STK32B: variants seen among roughly 807,000 people sequenced by gnomAD.
STK32B encodes serine/threonine kinase 32B.
A neutral mutation model predicts 52.6 loss-of-function variants in STK32B; 43 were observed. The ratio of observed to expected loss-of-function variants is 0.82; its 90% confidence interval spans 0.64 to 1.05. The LOEUF (loss-of-function observed/expected upper bound fraction) is 1.05, where lower values mean the gene tolerates loss of function less well. Ranked by LOEUF, STK32B falls within the 50% of genes least tolerant of loss-of-function variation. The pLI is 0.00. For missense variants in STK32B, 621 were observed against 534.6 expected, an observed-to-expected ratio of 1.16 and a Z score of -1.59; for synonymous variants, 238 against 204.3, an observed-to-expected ratio of 1.17 and a Z score of -1.41.
chr4:5,156,032 A>G (rs946238148), intron 2 of STK32B, among the ~76,000 whole-genome samples: 1 of 151,998 alleles, frequency 6.6e-6, no homozygotes, highest in African/African-American at 2.4e-5. Flanking sequence ...ACATATACCT[A>G]TAGATCCACC....
rs893358630 is a variant in STK32B at position 5,372,493 on chromosome 4, C to G, written c.435-25714C>G. ...CACACATTCACATTCGAGACACGGC[C>G]ATTACTATTCAATATTACCATCCTA... On this transcript the variant is annotated intron_variant, in intron 4 of 11. Coordinates refer to ENST00000282908, the MANE Select transcript of STK32B (RefSeq NM_018401.3). 2.6e-5 allele frequency among the ~76,000 whole-genome samples: 4 copies of G among 152,238 alleles called. 1 individual carries two copies. The highest frequency in any genetic ancestry group is 9.6e-5 in the African/African-American group (4 of 41,542).
the STK32B span, among the ~76,000 whole-genome samples, chr4:5,041,144 G>T: frequency 1.3e-5 from 2 of 152,134 alleles, no homozygotes; most frequent in Non-Finnish European, 2.9e-5. Flanking sequence ...TTACATCACT[G>T]CTTCTGAGTC....
At chr4:5,134,429 C>T (rs1240852222) in intron 1 of STK32B, among the ~76,000 whole-genome samples, 1 of 152,132 alleles carries the variant, frequency 6.6e-6, no homozygotes, top group East Asian at 1.9e-4. Context: ...CTCTCCTGCC[C>T]TTCCTCTGTG....
chr4:5,140,420 C>G, intron 2 of STK32B: 2 of 727,590 alleles, frequency 2.7e-6, no homozygotes, highest in Non-Finnish European at 3.7e-6. Flanking sequence ...AAGCTCCAGT[C>G]TGTTCCCACA....
chr4:5,319,571 A>AC (rs35746231), intron 3 of STK32B, among the ~76,000 whole-genome samples: 36,158 of 151,912 alleles, frequency 0.24, 7,074 homozygotes, highest in African/African-American at 0.55. Flanking sequence ...TCCAGCACGC[A>AC]CCCAGGCATA....
intron 3 of STK32B, among the ~76,000 whole-genome samples, chr4:5,174,130 C>CT (rs967943040): frequency 5.3e-5 from 8 of 151,930 alleles, no homozygotes; most frequent in African/African-American, 1.9e-4. Flanking sequence ...CAACCCCTGC[C>CT]TTTTTTTGTT....
intron 6 of STK32B, chr4:5,436,678 GT>G (rs1375098071): frequency 1.0e-6 from 1 of 985,244 alleles, no homozygotes; most frequent in African/African-American, 1.7e-5. Context: ...GCTATTAGGA[GT>G]TAGAATCACG....
At chr4:5,276,147 G>A (rs1727806863) in intron 3 of STK32B, among the ~76,000 whole-genome samples, 1 of 152,034 alleles carries the variant, frequency 6.6e-6, no homozygotes, top group African/African-American at 2.4e-5. Context: ...AAATTAGTCA[G>A]GCGTGGTGGT....
chr4:5,060,185 C>T (rs1368019651), intron 1 of STK32B, among the ~76,000 whole-genome samples: 7 of 152,140 alleles, frequency 4.6e-5, no homozygotes, highest in East Asian at 1.9e-4. Context: ...AGGCTGGTCT[C>T]GAACTCCCAA....
intron 4 of STK32B, among the ~76,000 whole-genome samples, chr4:5,384,039 A>G (rs1028311073): frequency 2.6e-5 from 4 of 152,150 alleles, no homozygotes; most frequent in Non-Finnish European, 4.4e-5. Flanking sequence ...GTGCACATCT[A>G]GGGAATGGGC....
chr4:5,345,318 T>C (rs1289912463), intron 4 of STK32B: 2 of 151,956 alleles, frequency 1.3e-5, no homozygotes, highest in African/African-American at 4.8e-5. Context: ...TCCTTTTTTT[T>C]TTTTTTTAGC....
intron 2 of STK32B, among the ~76,000 whole-genome samples, chr4:5,152,865 A>T (rs1577111457): frequency 6.6e-6 from 1 of 152,190 alleles, no homozygotes; most frequent in African/African-American, 2.4e-5. Context: ...ATAGAAACTA[A>T]CATTGTTTTC....
chr4:5,296,137 T>C (rs1018466872), intron 3 of STK32B, among the ~76,000 whole-genome samples: 1 of 152,244 alleles, frequency 6.6e-6, no homozygotes, highest in Admixed American at 6.5e-5. Flanking sequence ...CTGTTTGTTA[T>C]GATTTACATT....
Position 5,174,167 on chromosome 4 carries a change from C to T in STK32B, c.260+5717C>T, listed in dbSNP as rs1270734151. Reference sequence around the variant, plus strand: ...TCCATTTTCTTGGTCGATCTTCCTCCATCTTTCTATTTTGAGCCTATGTGT... The same window carrying T: ...TCCATTTTCTTGGTCGATCTTCCTCTATCTTTCTATTTTGAGCCTATGTGT... On this transcript the variant is annotated intron_variant, in intron 3 of 11. Coordinates refer to ENST00000282908, the MANE Select transcript of STK32B (RefSeq NM_018401.3). 3.3e-5 allele frequency among the ~76,000 whole-genome samples: 5 copies of T among 152,112 alleles called. No homozygotes were observed. In the East Asian group the frequency reaches 5.8e-4, roughly 18 times the overall value.
At chr4:5,061,184 G>A (rs1235043679) in intron 1 of STK32B, among the ~76,000 whole-genome samples, 1 of 152,060 alleles carries the variant, frequency 6.6e-6, no homozygotes, top group African/African-American at 2.4e-5. Context: ...TTTGCTTTTT[G>A]TTCTTTTTTC....
intron 3 of STK32B, among the ~76,000 whole-genome samples, chr4:5,212,791 A>C (rs1722980179): frequency 6.6e-6 from 1 of 152,212 alleles, no homozygotes; most frequent in Admixed American, 6.5e-5. Flanking sequence ...GCTGGCTGTA[A>C]GTATAAAATT....
At chr4:5,257,235 ATGAG>A (rs1050059773) in intron 3 of STK32B, among the ~76,000 whole-genome samples, 3 of 122,256 alleles carry the variant, frequency 2.5e-5, no homozygotes, top group Admixed American at 7.6e-5. Context: ...GAGTGAATGA[ATGAG>A]TGAATGATTG....
intron 3 of STK32B, among the ~76,000 whole-genome samples, chr4:5,205,693 G>GGCGCGCGCGCGC (rs141563923): frequency 4.4e-5 from 3 of 68,146 alleles, no homozygotes; most frequent in Admixed American, 1.7e-4. Context: ...TTCTAGACCA[G>GGCGCGCGCGCGC]GCGCGCGCGC....
chr4:5,495,474 C>T (rs761746920), intron 11 of STK32B, among the ~76,000 whole-genome samples: 1 of 152,136 alleles, frequency 6.6e-6, no homozygotes, highest in East Asian at 1.9e-4. Context: ...GTTATACATT[C>T]GTCTGAATTT....
Sources: gnomAD v4.1 joint callset for allele counts (sites outside exome capture counted in the v4.1 genomes callset) on GRCh38, gnomAD v4.1.1 for gene constraint, MANE v1.5 for transcripts, NCBI Gene and HGNC (gene_info 2026-07-23, HGNC 2026-07-21) for gene names.